Variants in SNX2 observed in about 807,000 individuals in gnomAD.
SNX2 encodes the protein sorting nexin 2.
In SNX2, 25 loss-of-function variants were observed where a neutral mutation model predicts 69.9. The ratio of observed to expected loss-of-function variants is 0.36; its 90% CI spans 0.26 to 0.50. The LOEUF (loss-of-function observed/expected upper bound fraction) is 0.50, where lower values mean the gene tolerates loss of function less well. SNX2 is among the 20% of genes least tolerant of loss of function. SNX2 has a pLI of 0.97. For missense variants in SNX2, 551 were observed against 613.3 expected (o/e 0.90, Z 1.07); for synonymous variants, 229 against 200.4 (o/e 1.14, Z -1.20).
At chr5:122,820,764 G>A (rs1429503586) in intron 11 of SNX2, among the ~76,000 whole-genome samples, 1 of 152,156 alleles carries the variant, frequency 6.6e-6, no homozygotes, top group Non-Finnish European at 1.5e-5. Context: ...AGTTAGCTAA[G>A]TTTGGGAAGT....
Position 122,831,912 on chromosome 5 carries a change from A to AT in SNX2, c.*2264_*2265insT, listed in dbSNP as rs1259230902. 6.6e-6 allele frequency among the ~76,000 whole-genome samples: 1 copy of AT among 152,204 alleles called. No individual in the cohort carries two copies. The highest frequency in any genetic ancestry group is 1.9e-4 in the East Asian group (1 of 5,204). ...CATTTCCCTTGCCCACATTTACTAA[A>AT]AGATGAGTGTGCTGGAAATTTCAAG... On this transcript the variant is annotated 3_prime_UTR_variant, in exon 15 of 15. Coordinates refer to ENST00000379516, the MANE Select transcript of SNX2 (RefSeq NM_003100.4).
At chr5:122,806,138 G>GCACACACACACACA (rs1314424933) in intron 6 of SNX2, among the ~76,000 whole-genome samples, 7 of 61,542 alleles carry the variant, frequency 1.1e-4, no homozygotes, top group African/African-American at 3.2e-4. Context: ...ATACACACGC[G>GCACACACACACACA]CGCGCACACA....
At chr5:122,824,774 T>A (rs1268672479) in intron 11 of SNX2, among the ~76,000 whole-genome samples, 1 of 152,226 alleles carries the variant, frequency 6.6e-6, no homozygotes, top group East Asian at 1.9e-4. Context: ...TCCTTTGCAC[T>A]TTGGTATAGA....
At chr5:122,824,029 G>A (rs1032331573) in intron 11 of SNX2, among the ~76,000 whole-genome samples, 4 of 151,714 alleles carry the variant, frequency 2.6e-5, no homozygotes, top group Admixed American at 6.6e-5. Flanking sequence ...GTGAAACCCC[G>A]TCTCTTCTAA....
At chr5:122,808,542 C>G (rs1753702197) in intron 7 of SNX2, 187 bp downstream of exon 7, 4 of 458,248 alleles carry the variant, frequency 8.7e-6, no homozygotes, top group South Asian at 3.8e-5. Flanking sequence ...TATAATTGTT[C>G]TGTATAATTT....
intron 2 of SNX2, 113 bp downstream of exon 2, chr5:122,795,496 T>C: frequency 1.5e-6 from 1 of 686,170 alleles, no homozygotes; most frequent in Non-Finnish European, 2.5e-6. Context: ...GTGGCAGCTC[T>C]TGTAACAACT....
intron 1 of SNX2, among the ~76,000 whole-genome samples, chr5:122,794,264 T>A (rs1753322078): frequency 6.6e-6 from 1 of 151,976 alleles, no homozygotes; most frequent in Non-Finnish European, 1.5e-5. Flanking sequence ...TGAGCCAAGA[T>A]TGCACCATTG....
intron 11 of SNX2, among the ~76,000 whole-genome samples, chr5:122,820,572 A>C (rs1754001626): frequency 6.6e-6 from 1 of 152,074 alleles, no homozygotes; most frequent in South Asian, 2.1e-4. Flanking sequence ...AATAAGAGCT[A>C]ACCTGGAAAA....
chr5:122,782,757 G>C (rs1178825285), intron 1 of SNX2, among the ~76,000 whole-genome samples: 1 of 151,914 alleles, frequency 6.6e-6, no homozygotes, highest in Non-Finnish European at 1.5e-5. Context: ...GGCTGGTCTT[G>C]AACTCCTGAC....
rs140249573 is a variant in SNX2, at chr5:122,806,599, T to TTTTA, written c.644-1647_644-1644dup. Among the ~76,000 whole-genome samples the TTTTA allele has an allele frequency of 0.016, 2,439 of 150,576 alleles. 103 individuals are homozygous for TTTTA. In the East Asian group the frequency reaches 0.18, roughly 11 times the overall value. ...ACTAGTTACGGTAGGTTGTTTGGGG[T>TTTTA]TTTATTTATTTATTTATTTATTTAT... On this transcript the variant is annotated intron_variant, in intron 6 of 14. Coordinates refer to ENST00000379516, the MANE Select transcript of SNX2 (RefSeq NM_003100.4).
chr5:122,787,254 T>G (rs1431835507), intron 1 of SNX2, among the ~76,000 whole-genome samples: 1 of 152,192 alleles, frequency 6.6e-6, no homozygotes, highest in African/African-American at 2.4e-5. Context: ...GTGTGGTGGC[T>G]CACGCCTGTA....
chr5:122,801,494 A>G (rs746336100), intron 3 of SNX2, among the ~76,000 whole-genome samples: 22 of 151,844 alleles, frequency 1.4e-4, no homozygotes, highest in Non-Finnish European at 2.5e-4. Flanking sequence ...AATCCCAGCT[A>G]CTTGAGAGGC....
chr5:122,834,132 T>C lies in SNX2; in HGVS notation c.*4484T>C, dbSNP rs1052806686. ...AATGTATGATAAGCATTTCAAGATT[T>C]CTGTTTTAATTATTAACATTTAGAA... On this transcript the variant is annotated 3_prime_UTR_variant, in exon 15 of 15. Coordinates refer to ENST00000379516, the MANE Select transcript of SNX2 (RefSeq NM_003100.4). 3.3e-5 allele frequency: 5 copies of C among 152,232 alleles called. No individual in the cohort carries two copies. Among genetic ancestry groups the C allele is most frequent in the African/African-American group, 1.2e-4 (5 of 41,464 alleles). The allele number at this position is 152,232 out of a possible 1,614,324, so 9.4% of individuals were successfully genotyped here.
chr5:122,785,577 A>G (rs1377759549), intron 1 of SNX2, among the ~76,000 whole-genome samples: 1 of 152,028 alleles, frequency 6.6e-6, no homozygotes, highest in Non-Finnish European at 1.5e-5. Flanking sequence ...ATTTTGATAA[A>G]TGTGGTTTTG....
At chr5:122,818,568 A>C in intron 10 of SNX2, among the ~76,000 whole-genome samples, 1 of 152,210 alleles carries the variant, frequency 6.6e-6, no homozygotes. Flanking sequence ...TTTTATATTA[A>C]ATGATTTAAA....
In SNX2 at chr5:122,819,186, T is replaced by C. The variant is rs546940431; in HGVS notation, c.1212+163T>C. Among the ~76,000 whole-genome samples the C allele has an allele frequency of 3.9e-5, 6 of 152,310 alleles. No individual in the cohort carries two copies. The East Asian group carries it at 1.2e-3, about 29-fold the overall frequency. The stretch of plus-strand genomic sequence containing the variant: ...ACTTAATACTTTCTTCCCTATGACT[T>C]GCACAGTACAATAGATAGAATTAAT... On this transcript the variant is annotated intron_variant, in intron 11 of 14. Coordinates refer to ENST00000379516, the MANE Select transcript of SNX2 (RefSeq NM_003100.4).
intron 2 of SNX2, chr5:122,795,715 G>A (rs1318599988): frequency 5.9e-6 from 1 of 170,690 alleles, no homozygotes; most frequent in Non-Finnish European, 1.2e-5. Flanking sequence ...TTATTGCTTA[G>A]AAGTTGTCCC....
chr5:122,793,572 T>C (rs75572283), intron 1 of SNX2, among the ~76,000 whole-genome samples: 142 of 152,306 alleles, frequency 9.3e-4, no homozygotes, highest in Non-Finnish European at 1.5e-3. Context: ...ACTTTTGATA[T>C]ATACAGTTTT....
intron 3 of SNX2, among the ~76,000 whole-genome samples, chr5:122,800,491 A>G (rs1295167976): frequency 3.3e-5 from 5 of 152,192 alleles, no homozygotes; most frequent in Non-Finnish European, 5.9e-5. Context: ...ACATAATTCT[A>G]ATATATGAAC....
Sources: allele counts gnomAD v4.1 joint callset (sites outside exome capture counted in the v4.1 genomes callset), GRCh38; gene constraint gnomAD v4.1.1; transcripts MANE v1.5; gene names NCBI Gene and HGNC (gene_info 2026-07-23, HGNC 2026-07-21).